HDAC9: variants seen among roughly 807,000 people sequenced by gnomAD.
The protein encoded by HDAC9 is histone deacetylase 9, also known as MEF-2 interacting transcription repressor (MITR) protein.
Under a neutral mutation model 139.4 loss-of-function variants are expected in HDAC9, and 41 were observed. The ratio of observed to expected loss-of-function variants is 0.29; its 90% confidence interval spans 0.23 to 0.38. The LOEUF (loss-of-function observed/expected upper bound fraction) is 0.38, where lower values mean the gene tolerates loss of function less well. HDAC9 is among the 10% of genes least tolerant of loss of function. The pLI is 1.00. For synonymous variants in HDAC9, 517 were observed against 476.2 expected (o/e 1.09, Z -1.12); for missense variants, 1,147 against 1,297.0 (o/e 0.88, Z 1.78).
chr7:18,990,572 C>T (rs1222552380), intron 25 of HDAC9, among the ~76,000 whole-genome samples: 2 of 152,352 alleles, frequency 1.3e-5, no homozygotes, highest in East Asian at 1.9e-4. Context: ...GTGGTGGGCT[C>T]CACCCAGTTT....
intron 16 of HDAC9, among the ~76,000 whole-genome samples, chr7:18,775,400 A>G (rs1013368875): frequency 2.0e-5 from 3 of 152,096 alleles, no homozygotes; most frequent in Non-Finnish European, 4.4e-5. Context: ...GAAGCACAGT[A>G]AAACAAGGTG....
intron 12 of HDAC9, among the ~76,000 whole-genome samples, chr7:18,725,882 T>C (rs1425834525): frequency 6.6e-6 from 1 of 152,134 alleles, no homozygotes. Context: ...GTATAAACCA[T>C]TGTAGCTAGA....
At chr7:18,935,141 G>T (rs1416283949) in intron 22 of HDAC9, among the ~76,000 whole-genome samples, 1 of 152,176 alleles carries the variant, frequency 6.6e-6, no homozygotes, top group Non-Finnish European at 1.5e-5. Context: ...GAGGAGGATA[G>T]CTACTGTCAG....
At chr7:18,094,617 T>C (rs917600596) in intron 1 of HDAC9, among the ~76,000 whole-genome samples, 15 of 152,132 alleles carry the variant, frequency 9.9e-5, no homozygotes, top group African/African-American at 3.6e-4. Flanking sequence ...AATTATTTAT[T>C]GTTTATTTTT....
At chr7:18,571,693 G>A (rs374823504) in intron 2 of HDAC9, among the ~76,000 whole-genome samples, 3 of 151,874 alleles carry the variant, frequency 2.0e-5, no homozygotes, top group Non-Finnish European at 4.4e-5. Flanking sequence ...TGGAGAAGAG[G>A]TAAGATGCAT....
rs572028230 is a variant in HDAC9, at chr7:18,093,255, G to T, written c.-97+6042G>T. Among the ~76,000 whole-genome samples, 132 of 152,330 alleles carry T rather than the reference G, an allele frequency of 8.7e-4. 2 individuals are homozygous for T. Among genetic ancestry groups the T allele is most frequent in the Admixed American group, 3.8e-3 (58 of 15,298 alleles). Reference sequence around the variant, plus strand: ...TGAAAGGCTAAATACTTTGCCAAGGGTCGTTCAGCTAGGGGTGGCATTAGG... The same window carrying T: ...TGAAAGGCTAAATACTTTGCCAAGGTTCGTTCAGCTAGGGGTGGCATTAGG... On this transcript the variant is annotated intron_variant, in intron 1 of 12. Transcript: ENST00000417496.
chr7:18,382,895 GTATA>G, intron 1 of HDAC9, among the ~76,000 whole-genome samples: 1 of 152,218 alleles, frequency 6.6e-6, no homozygotes, highest in East Asian at 1.9e-4. Context: ...GAGTGTGTAT[GTATA>G]TGTATATAAA....
Position 18,817,136 on chromosome 7 carries a change from G to A in HDAC9, c.2323-12025G>A, listed in dbSNP as rs887534608. Among the ~76,000 whole-genome samples, 9 of 151,256 alleles carry A rather than the reference G, an allele frequency of 6.0e-5. 1 individual carries two copies. The highest frequency in any genetic ancestry group is 2.1e-4 in the South Asian group (1 of 4,720). ...TGCAAGCTCCGCCTCCGGGGTTCAC[G>A]CCATTCTTCTGCCTCAGCCTCCTGA... On this transcript the variant is annotated intron_variant, in intron 17 of 25. Coordinates refer to ENST00000686413, the MANE Select transcript of HDAC9 (RefSeq NM_178425.4).
At chr7:18,943,908 A>C (rs867434597) in intron 23 of HDAC9, among the ~76,000 whole-genome samples, 1 of 152,148 alleles carries the variant, frequency 6.6e-6, no homozygotes, top group African/African-American at 2.4e-5. Flanking sequence ...AATAATTTCA[A>C]TAGTTTGTCA....
At chr7:18,619,197 A>G (rs542954279) in intron 6 of HDAC9, among the ~76,000 whole-genome samples, 111 of 152,246 alleles carry the variant, frequency 7.3e-4, no homozygotes, top group Non-Finnish European at 1.4e-3. Flanking sequence ...AGAAAAGAGA[A>G]ATTCCTTCTG....
rs748189813 is a variant in HDAC9 at position 18,585,223 on chromosome 7, A to G, written c.23-58A>G. On this transcript the variant is annotated intron_variant, in intron 2 of 25. Coordinates refer to ENST00000686413, the MANE Select transcript of HDAC9 (RefSeq NM_178425.4). ...TATTTGTTTCCAAATCAATGTGCTA[A>G]TTTCCAATCTTCTATTACCCTCCCC... 18 of 1,576,246 alleles carry G rather than the reference A, an allele frequency of 1.1e-5. No individual in the cohort carries two copies. The South Asian group carries it at 2.1e-4, about 18-fold the overall frequency.
chr7:18,358,338 T>C (rs1339947227), intron 1 of HDAC9, among the ~76,000 whole-genome samples: 2 of 152,200 alleles, frequency 1.3e-5, no homozygotes, highest in Non-Finnish European at 2.9e-5. Context: ...AACACTTATG[T>C]AGGAGGTAGA....
intron 2 of HDAC9, among the ~76,000 whole-genome samples, chr7:18,583,424 T>G (rs2128792235): frequency 6.6e-6 from 1 of 151,654 alleles, no homozygotes; most frequent in Admixed American, 6.7e-5. Context: ...CCTGGAGTAT[T>G]TAAAGCTTTT....
intron 1 of HDAC9, among the ~76,000 whole-genome samples, chr7:18,131,422 A>G (rs964355303): frequency 6.6e-6 from 1 of 152,196 alleles, no homozygotes; most frequent in Non-Finnish European, 1.5e-5. Flanking sequence ...AGTAGCACTA[A>G]TCAGAATTCC....
At chr7:18,187,386 C>T (rs1056853618) in intron 2 of HDAC9, among the ~76,000 whole-genome samples, 1 of 152,184 alleles carries the variant, frequency 6.6e-6, no homozygotes, top group African/African-American at 2.4e-5. Context: ...ATTCTATCTT[C>T]TTTTCTAGCA....
chr7:18,941,100 T>A (rs1318087816), intron 23 of HDAC9, among the ~76,000 whole-genome samples: 3 of 152,124 alleles, frequency 2.0e-5, no homozygotes, highest in Admixed American at 1.3e-4. Flanking sequence ...GCATATAGCA[T>A]GTTTTGATTT....
chr7:18,799,264 C>T (rs905823229), intron 17 of HDAC9, among the ~76,000 whole-genome samples: 10 of 152,010 alleles, frequency 6.6e-5, no homozygotes, highest in African/African-American at 1.9e-4. Context: ...AAGAAAATGA[C>T]GATAACAAAA....
At chr7:18,995,471 T>C (rs1025900945) in intron 25 of HDAC9, among the ~76,000 whole-genome samples, 4 of 152,240 alleles carry the variant, frequency 2.6e-5, no homozygotes, top group African/African-American at 9.6e-5. Context: ...ATAAAAACTA[T>C]TTACACACTA....
At chr7:18,506,488 G>A (rs1439170531) in intron 2 of HDAC9, among the ~76,000 whole-genome samples, 4 of 151,804 alleles carry the variant, frequency 2.6e-5, no homozygotes, top group Admixed American at 2.0e-4. Context: ...TTTTCACTTT[G>A]TAAGAATGAT....
Sources: gnomAD v4.1 joint callset for allele counts (sites outside exome capture counted in the v4.1 genomes callset) on GRCh38, gnomAD v4.1.1 for gene constraint, MANE v1.5 for transcripts, NCBI Gene and HGNC (gene_info 2026-07-23, HGNC 2026-07-21) for gene names.